The following SH3RF3 variants were observed in gnomAD, a reference collection of about 807,000 sequenced individuals.
SH3RF3 encodes SH3 domain containing ring finger 3.
A neutral mutation model predicts 66.3 loss-of-function variants in SH3RF3; 29 were observed. The ratio of observed to expected loss-of-function variants is 0.44; its 90% CI spans 0.33 to 0.60. The LOEUF is 0.60. Among genes scored for constraint, SH3RF3 ranks in the 20% least tolerant of loss-of-function variants. SH3RF3 has a pLI of 0.04. For synonymous variants in SH3RF3, 583 were observed against 532.0 expected (o/e 1.10, Z -1.32); for missense variants, 1,194 against 1,190.9 (o/e 1.00, Z -0.04).
intron 1 of SH3RF3, among the ~76,000 whole-genome samples, chr2:109,192,084 G>A (rs913540471): frequency 3.3e-5 from 5 of 152,122 alleles, no homozygotes; most frequent in African/African-American, 1.2e-4. Flanking sequence ...TGCAAACCGA[G>A]CGACAGAAGT....
chr2:109,184,392 T>C (rs1380669333), intron 1 of SH3RF3, among the ~76,000 whole-genome samples: 2 of 152,184 alleles, frequency 1.3e-5, no homozygotes, highest in East Asian at 1.9e-4. Context: ...AAAGGCAGCT[T>C]TTCAGGTGAT....
chr2:109,166,414 T>C lies in SH3RF3; in HGVS notation c.573+36301T>C, dbSNP rs538847663. Among the ~76,000 whole-genome samples the C allele has an allele frequency of 3.9e-4, 58 of 148,246 alleles. 1 individual carries two copies. The South Asian group carries it at 0.012, about 31-fold the overall frequency. On this transcript the variant is annotated intron_variant, in intron 1 of 9. Coordinates refer to ENST00000309415, the MANE Select transcript of SH3RF3 (RefSeq NM_001099289.3). ...ATCACTTGAACGTGGGAGGCGGAGG[T>C]TGTGGTGAGCTGAGATTGTGCCACT...
At chr2:109,171,509 G>A (rs547937210) in intron 1 of SH3RF3, among the ~76,000 whole-genome samples, 1 of 152,228 alleles carries the variant, frequency 6.6e-6, no homozygotes, top group Non-Finnish European at 1.5e-5. Context: ...CTGGGCTCGC[G>A]GGTATGGTCA....
At chr2:109,241,734 T>C (rs1679788765) in intron 1 of SH3RF3, among the ~76,000 whole-genome samples, 2 of 151,866 alleles carry the variant, frequency 1.3e-5, no homozygotes, top group Admixed American at 1.3e-4. Flanking sequence ...AGTTTTCTGT[T>C]CCCACCCTGC....
intron 1 of SH3RF3, among the ~76,000 whole-genome samples, chr2:109,131,514 C>T (rs566657110): frequency 6.6e-6 from 1 of 152,232 alleles, no homozygotes; most frequent in South Asian, 2.1e-4. Context: ...ATTCGGAGCC[C>T]CGCTTCTAGT....
intron 1 of SH3RF3, among the ~76,000 whole-genome samples, chr2:109,169,183 C>T (rs538461266): frequency 6.6e-6 from 1 of 152,274 alleles, no homozygotes; most frequent in South Asian, 2.1e-4. Flanking sequence ...TGAGTTGTGA[C>T]TTTATTTGTG....
At chr2:109,256,674 T>C (rs1310016135) in intron 1 of SH3RF3, among the ~76,000 whole-genome samples, 2 of 152,254 alleles carry the variant, frequency 1.3e-5, no homozygotes, top group African/African-American at 2.4e-5. Flanking sequence ...GTCTAAGTTT[T>C]GTTTTCTCAA....
chr2:109,356,587 C>T (rs965213959), intron 2 of SH3RF3, among the ~76,000 whole-genome samples: 7 of 152,214 alleles, frequency 4.6e-5, no homozygotes, highest in African/African-American at 1.7e-4. Context: ...TAGTTTCTTC[C>T]TCAGCCAAAG....
At chr2:109,176,419 T>G (rs904468112) in intron 1 of SH3RF3, among the ~76,000 whole-genome samples, 1 of 152,166 alleles carries the variant, frequency 6.6e-6, no homozygotes, top group African/African-American at 2.4e-5. Flanking sequence ...GCCCAATAGT[T>G]GCTCACAATT....
intron 1 of SH3RF3, among the ~76,000 whole-genome samples, chr2:109,260,192 C>T (rs1429654728): frequency 1.3e-5 from 2 of 152,124 alleles, no homozygotes; most frequent in African/African-American, 2.4e-5. Flanking sequence ...GATAAGCCTG[C>T]AGTGCACTAC....
At chr2:109,138,875 A>T (rs1022998991) in intron 1 of SH3RF3, among the ~76,000 whole-genome samples, 2 of 152,248 alleles carry the variant, frequency 1.3e-5, no homozygotes, top group African/African-American at 4.8e-5. Context: ...ACTGGAATAT[A>T]CATTGTTCAC....
chr2:109,151,822 T>C (rs1421240093), intron 1 of SH3RF3, among the ~76,000 whole-genome samples: 1 of 152,236 alleles, frequency 6.6e-6, no homozygotes, highest in Admixed American at 6.5e-5. Flanking sequence ...ATCTGCAAAT[T>C]GTGGTTTATA....
At chr2:109,149,253 T>C (rs908582224) in intron 1 of SH3RF3, among the ~76,000 whole-genome samples, 9 of 152,138 alleles carry the variant, frequency 5.9e-5, no homozygotes, top group African/African-American at 2.2e-4. Context: ...ACACTAAGAA[T>C]GTTCTATGGC....
intron 1 of SH3RF3, among the ~76,000 whole-genome samples, chr2:109,184,143 C>T (rs1678132391): frequency 6.6e-6 from 1 of 152,154 alleles, no homozygotes; most frequent in South Asian, 2.1e-4. Flanking sequence ...CAAGGCACTG[C>T]CCCAGTTGCC....
intron 1 of SH3RF3, among the ~76,000 whole-genome samples, chr2:109,130,905 T>C (rs1439772863): frequency 1.3e-5 from 2 of 152,198 alleles, no homozygotes; most frequent in African/African-American, 4.8e-5. Context: ...CCTTGCCACC[T>C]TGTGAACAGT....
At chr2:109,439,329 TCA>T (rs975460812) in intron 7 of SH3RF3, among the ~76,000 whole-genome samples, 1 of 152,136 alleles carries the variant, frequency 6.6e-6, no homozygotes, top group African/African-American at 2.4e-5. Flanking sequence ...GCTATTGCTG[TCA>T]CAGCCAGGTT....
At chr2:109,325,038 G>A (rs1682117975) in intron 1 of SH3RF3, among the ~76,000 whole-genome samples, 1 of 128,844 alleles carries the variant, frequency 7.8e-6, no homozygotes, top group African/African-American at 2.5e-5. Context: ...TTTTTAAAAT[G>A]TGTGTGGTTT....
intron 1 of SH3RF3, among the ~76,000 whole-genome samples, chr2:109,130,687 C>T (rs1676671552): frequency 6.6e-6 from 1 of 152,202 alleles, no homozygotes; most frequent in Non-Finnish European, 1.5e-5. Flanking sequence ...CCCTTTTGGA[C>T]TTGGCAGTGT....
At chr2:109,258,591 A>G (rs929480800) in intron 1 of SH3RF3, among the ~76,000 whole-genome samples, 3 of 152,110 alleles carry the variant, frequency 2.0e-5, no homozygotes, top group African/African-American at 7.2e-5. Flanking sequence ...TCATCCCGCA[A>G]TTCCCCAGGC....
Sources: gnomAD v4.1 joint callset for allele counts (sites outside exome capture counted in the v4.1 genomes callset) on GRCh38, gnomAD v4.1.1 for gene constraint, MANE v1.5 for transcripts, NCBI Gene and HGNC (gene_info 2026-07-23, HGNC 2026-07-21) for gene names.